AGTPBP1: variants seen among roughly 807,000 people sequenced by gnomAD.
The protein encoded by AGTPBP1 is ATP/GTP binding carboxypeptidase 1.
A neutral mutation model predicts 143.9 loss-of-function variants in AGTPBP1; 70 were observed. That is an observed-to-expected ratio of 0.49 (90% CI 0.40 to 0.59). AGTPBP1 has a LOEUF of 0.59. Among genes scored for constraint, AGTPBP1 ranks in the 20% least tolerant of loss-of-function variants. AGTPBP1 has a pLI of 0.00. For missense variants in AGTPBP1, 1,229 were observed against 1,464.5 expected (o/e 0.84, Z 2.62); for synonymous variants, 463 against 500.2 (o/e 0.93, Z 0.99).
At chr9:85,707,976 T>C (rs1837120885) in intron 2 of AGTPBP1, among the ~76,000 whole-genome samples, 1 of 152,144 alleles carries the variant, frequency 6.6e-6, no homozygotes, top group South Asian at 2.1e-4. Flanking sequence ...GACGGGTTGA[T>C]GGGTGTAACA....
In AGTPBP1 at chr9:85,657,660, T is replaced by G. The variant is rs765748452; in HGVS notation, c.701-17A>C. ...CATTTGTTTCTTTAACAAAAGAAGA[T>G]TGAGAAAGAATATTTTTTAAATGAC... On this transcript the variant is annotated splice_polypyrimidine_tract_variant and intron_variant, in intron 9 of 25. Transcript: ENST00000357081. The G allele has an allele frequency of 6.4e-7, 1 of 1,565,906 alleles. No homozygotes were observed. Among genetic ancestry groups the G allele is most frequent in the East Asian group, 2.3e-5 (1 of 44,362 alleles).
Position 85,633,292 on chromosome 9 carries a change from C to G in AGTPBP1, c.1385G>C (p.Gly462Ala). 6.2e-7 allele frequency: 1 copy of G among 1,613,870 alleles called. No homozygotes were observed. Among genetic ancestry groups the G allele is most frequent in the Non-Finnish European group, 8.5e-7 (1 of 1,179,930 alleles). The change falls in exon 14 of 26, where the codon GGC becomes GCC. Residue 462 changes from glycine (G) to alanine (A), a missense_variant. Around this residue, in one of 2 missense-constraint regions of AGTPBP1, gnomAD observed 743 missense variants for 812.2 expected, o/e 0.91. Coordinates refer to ENST00000357081, the MANE Select transcript of AGTPBP1 (RefSeq NM_001330701.2). ...VRGPIVVPTA[G>A]EETSGNSGNL... ...GCCAGAATTCCCAGATGTTTCCTCG[C>G]CTGCCGTAGGAACAACAATAGGACC... is the stretch of plus-strand genomic sequence containing the variant.
At chr9:85,692,898 T>C (rs1587915870) in intron 2 of AGTPBP1, 85 bp from the exon 3 acceptor site, 4 of 1,457,866 alleles carry the variant, frequency 2.7e-6, no homozygotes, top group Admixed American at 2.0e-5. Context: ...AAAAAACAAT[T>C]CTACTCTTTT....
At chr9:85,724,302 AAAAG>A (rs1838328940) in intron 1 of AGTPBP1, among the ~76,000 whole-genome samples, 1 of 151,790 alleles carries the variant, frequency 6.6e-6, no homozygotes, top group Admixed American at 6.6e-5. Flanking sequence ...AAAAAAAAAA[AAAAG>A]AAAGAAATAA....
chr9:85,719,902 A>G (rs1331791491), intron 1 of AGTPBP1, among the ~76,000 whole-genome samples: 3 of 152,016 alleles, frequency 2.0e-5, no homozygotes, highest in Non-Finnish European at 2.9e-5. Context: ...GGCCTTTTCT[A>G]CATCTATTGA....
the AGTPBP1 span, among the ~76,000 whole-genome samples, chr9:85,766,124 A>C: frequency 4.5e-5 from 6 of 133,572 alleles, no homozygotes; most frequent in South Asian, 2.8e-4. Context: ...AAGATAGAAG[A>C]AGCCAAAAAA....
chr9:85,614,189 C>T (rs1456676170), intron 17 of AGTPBP1, among the ~76,000 whole-genome samples: 1 of 151,878 alleles, frequency 6.6e-6, no homozygotes, highest in Non-Finnish European at 1.5e-5. Context: ...TTAATTTAAA[C>T]ATTGTTAAAA....
At chr9:85,743,998 T>G (rs969775842), upstream of AGTPBP1, among the ~76,000 whole-genome samples, 3 of 150,346 alleles carry the variant, frequency 2.0e-5, no homozygotes, top group Admixed American at 1.3e-4. Flanking sequence ...CAATCATGGC[T>G]CACTGCAGCC....
At position 85,633,131 on chromosome 9, in the gene AGTPBP1, G is replaced by T. The variant is rs1044895829; in HGVS notation, c.1546C>A (p.Gln516Lys). 1 of 1,613,984 alleles carries T rather than the reference G, an allele frequency of 6.2e-7. No homozygotes were observed. Among genetic ancestry groups the T allele is most frequent in the Admixed American group, 1.7e-5 (1 of 59,996 alleles). The change falls in exon 14 of 26, where the codon CAA (glutamine) becomes AAA (lysine). Residue 516 changes from glutamine to lysine, a missense_variant. Transcript: ENST00000357081. ...DRTLQQQPGD[Q>K]NRTISSVHGL... is the part of the protein sequence containing the mutation. Reference sequence around the variant, plus strand: ...TGGACTGATGAAATAGTTCTATTTTGATCACCTGGCTGCTGTTGTAATGTT... The same window carrying T: ...TGGACTGATGAAATAGTTCTATTTTTATCACCTGGCTGCTGTTGTAATGTT...
Position 85,619,004 on chromosome 9 carries a change from A to G in AGTPBP1, c.2314T>C (p.Ser772Pro), listed in dbSNP as rs191383339. The change falls in exon 17 of 26, where the codon TCC (serine) becomes CCC (proline). Residue 772 changes from serine (S) to proline (P), a missense_variant. Around this residue, in one of 2 missense-constraint regions of AGTPBP1, gnomAD observed 486 missense variants for 652.3 expected, o/e 0.75. Coordinates refer to ENST00000357081, the MANE Select transcript of AGTPBP1 (RefSeq NM_001330701.2). The stretch of plus-strand genomic sequence containing the variant: ...TTACCATAATTAAACTGACTGTTGG[A>G]CTTTTCACAGTTAATGATGTTAAAC... Reference protein sequence around the residue: ...YRFNIINCEKSNSQFNYGMQP... With the variant: ...YRFNIINCEKPNSQFNYGMQP... The G allele has an allele frequency of 1.5e-5, 25 of 1,613,332 alleles. No individual in the cohort carries two copies. The highest frequency in any genetic ancestry group is 8.9e-5 in the East Asian group (4 of 44,786).
Position 85,642,863 on chromosome 9 carries a change from A to G in AGTPBP1, c.1266T>C (p.Tyr422=). The G allele has an allele frequency of 6.2e-7, 1 of 1,613,124 alleles. No individual in the cohort carries two copies. The highest frequency in any genetic ancestry group is 8.5e-7 in the Non-Finnish European group (1 of 1,179,734). Residue 422 remains tyrosine, a synonymous_variant, in exon 13 of 26, where the codon TAT becomes TAC. Coordinates refer to ENST00000357081, the MANE Select transcript of AGTPBP1 (RefSeq NM_001330701.2). ...PGRTIEDLKM[Y]EHLFPELVDD... is the part of the protein sequence containing the mutation. ...CAACAAGCTCAGGGAAAAGGTGTTC[A>G]TACATTTTTAGATCTTCTATTGTTC...
chr9:85,643,519 C>T (rs1290185175), intron 12 of AGTPBP1, among the ~76,000 whole-genome samples: 1 of 152,110 alleles, frequency 6.6e-6, no homozygotes, highest in Non-Finnish European at 1.5e-5. Context: ...TGCCCCAATA[C>T]AGATTAATGA....
the AGTPBP1 span, chr9:85,755,951 C>T: frequency 1.2e-6 from 1 of 811,564 alleles, no homozygotes; most frequent in Non-Finnish European, 1.8e-6. Flanking sequence ...ACCTGAGTTA[C>T]TCTAAGTGAT....
chr9:85,738,060 TA>T lies in AGTPBP1; in HGVS notation c.-34+3714del, dbSNP rs570621934. On this transcript the variant is annotated intron_variant, in intron 1 of 25. Coordinates refer to ENST00000357081, the MANE Select transcript of AGTPBP1 (RefSeq NM_001330701.2). ...TTTCTCACTACCTTATTTTTTGTTT[TA>T]AAAAAAAGTTGTTTTCATTAAAAAT... Among the ~76,000 whole-genome samples, 13 of 152,234 alleles carry T rather than the reference TA, an allele frequency of 8.5e-5. 1 individual carries two copies. In the South Asian group the frequency reaches 1.2e-3, roughly 15 times the overall value.
chr9:85,720,591 A>T (rs1838040605), intron 1 of AGTPBP1, among the ~76,000 whole-genome samples: 1 of 148,452 alleles, frequency 6.7e-6, no homozygotes, highest in Non-Finnish European at 1.5e-5. Context: ...TATTTTGTTG[A>T]TTTTTTTCAA....
the AGTPBP1 span, among the ~76,000 whole-genome samples, chr9:85,760,585 ACT>A: frequency 9.9e-5 from 15 of 152,172 alleles, no homozygotes; most frequent in African/African-American, 3.6e-4. Flanking sequence ...CATGCTAAAA[ACT>A]CTCAATAAAT....
intron 12 of AGTPBP1, among the ~76,000 whole-genome samples, chr9:85,645,977 C>G (rs1446668610): frequency 6.6e-6 from 1 of 152,104 alleles, no homozygotes; most frequent in Non-Finnish European, 1.5e-5. Flanking sequence ...TTTGTATCCC[C>G]AAAAGACTGC....
At position 85,639,316 on chromosome 9, in the gene AGTPBP1, T is replaced by G. The variant is rs550182375; in HGVS notation, c.1302+3511A>C. Among the ~76,000 whole-genome samples, 312 of 151,062 alleles carry G rather than the reference T, an allele frequency of 2.1e-3. 3 individuals carry two copies. Among genetic ancestry groups the G allele is most frequent in the African/African-American group, 7.0e-3 (289 of 41,166 alleles). The stretch of plus-strand genomic sequence containing the variant: ...AAAACAGTAATTATAGGAGGAAAAT[T>G]TATAGCCTATCTATGCATGCATACA... On this transcript the variant is annotated intron_variant, in intron 13 of 25. Transcript: ENST00000357081.
Position 85,561,093 on chromosome 9 carries a change from C to T in AGTPBP1, c.3504-13807G>A, listed in dbSNP as rs1351205889. The stretch of plus-strand genomic sequence containing the variant: ...AGCCTTAAAAGAGACCATTTTCGGC[C>T]GGGTGTGGTGACTCACGCCCAGCAC... On this transcript the variant is annotated intron_variant, in intron 25 of 25. Coordinates refer to ENST00000357081, the MANE Select transcript of AGTPBP1 (RefSeq NM_001330701.2). Among the ~76,000 whole-genome samples the T allele has an allele frequency of 5.3e-5, 8 of 152,030 alleles. No individual in the cohort carries two copies. The East Asian group carries it at 9.7e-4, about 18-fold the overall frequency.
Sources: gnomAD v4.1 joint callset for allele counts (sites outside exome capture counted in the v4.1 genomes callset) on GRCh38, gnomAD v4.1.1 for gene constraint, gnomAD v4.1.1 regional missense constraint, MANE v1.5 for transcripts, NCBI Gene and HGNC (gene_info 2026-07-23, HGNC 2026-07-21) for gene names.